The following SCN8A variants were observed in gnomAD, a reference collection of about 807,000 sequenced individuals.
The protein encoded by SCN8A is sodium voltage-gated channel alpha subunit 8, also known as sodium channel protein type 8 subunit alpha.
Under a neutral mutation model 184.1 loss-of-function variants are expected in SCN8A, and 30 were observed. That is an observed-to-expected ratio of 0.16 (90% confidence interval 0.12 to 0.22). The LOEUF is 0.22. Among genes scored for constraint, SCN8A ranks in the 10% least tolerant of loss-of-function variants. The probability of loss-of-function intolerance (pLI) is 1.00; values close to 1 mark genes in which losing one functional copy is unlikely to be tolerated. For synonymous variants in SCN8A, 852 were observed against 907.0 expected, an observed-to-expected ratio of 0.94 and a Z score of 1.09; for missense variants, 1,057 against 2,498.9, an observed-to-expected ratio of 0.42 and a Z score of 12.30.
chr12:51,649,744 C>A (rs1940669156), intron 1 of SCN8A, among the ~76,000 whole-genome samples: 1 of 152,198 alleles, frequency 6.6e-6, no homozygotes, highest in Non-Finnish European at 1.5e-5. Context: ...GGCCTCTGGG[C>A]CTGTGATGGG....
At chr12:51,601,488 G>A (rs1221854118) in intron 1 of SCN8A, among the ~76,000 whole-genome samples, 1 of 150,204 alleles carries the variant, frequency 6.7e-6, no homozygotes, top group Non-Finnish European at 1.5e-5. Flanking sequence ...ACCCATAAGT[G>A]CCCAAGGGGT....
chr12:51,610,420 T>A (rs1939697313), intron 1 of SCN8A, among the ~76,000 whole-genome samples: 1 of 152,206 alleles, frequency 6.6e-6, no homozygotes. Context: ...GTGCATTTGT[T>A]GCCTGTGTAC....
intron 20 of SCN8A, 30 bp from the exon 21 acceptor site, chr12:51,780,619 T>C (rs1243637805): frequency 1.8e-6 from 2 of 1,119,044 alleles, no homozygotes; most frequent in Non-Finnish European, 2.4e-6. Context: ...ACCTTTTTTG[T>C]TTTTGTTTTT....
rs933799376 is a variant in SCN8A at position 51,713,162 on chromosome 12, A to G, written c.1635+6447A>G. The G allele has an allele frequency of 2.5e-6, 3 of 1,219,072 alleles. No homozygotes were observed. The African/African-American group carries it at 4.4e-5, about 18-fold the overall frequency. 75.5% of individuals were successfully genotyped at this position (1,219,072 alleles called of 1,614,324 possible). ...ACTTCTATGGTTTCAATCTTGCCAT[A>G]CTTTTCAAAGTAGTCTCTCAAATTA... On this transcript the variant is annotated intron_variant, in intron 11 of 26. Transcript: ENST00000627620.
At chr12:51,699,817 G>T in intron 7 of SCN8A, 26 bp downstream of exon 7, 1 of 1,578,464 alleles carries the variant, frequency 6.3e-7, no homozygotes, top group Non-Finnish European at 8.7e-7. Flanking sequence ...TCTGCAAGAG[G>T]AATAGGAAAA....
At chr12:51,631,830 C>G (rs1940202109) in intron 1 of SCN8A, among the ~76,000 whole-genome samples, 1 of 152,174 alleles carries the variant, frequency 6.6e-6, no homozygotes, top group Admixed American at 6.5e-5. Flanking sequence ...TTGTGCACAG[C>G]TTGGTGGCAA....
chr12:51,623,457 G>C (rs1940007109), intron 1 of SCN8A, among the ~76,000 whole-genome samples: 1 of 152,096 alleles, frequency 6.6e-6, no homozygotes, highest in Non-Finnish European at 1.5e-5. Context: ...GTGGTAGATG[G>C]GGAGTTTACT....
intron 1 of SCN8A, among the ~76,000 whole-genome samples, chr12:51,631,528 A>G (rs1940196160): frequency 6.6e-6 from 1 of 152,206 alleles, no homozygotes; most frequent in Non-Finnish European, 1.5e-5. Context: ...TAAGACCACT[A>G]CCTGAAGCAG....
chr12:51,794,789 C>G (rs1345324106), intron 26 of SCN8A, 148 bp downstream of exon 26: 1 of 709,122 alleles, frequency 1.4e-6, no homozygotes, highest in African/African-American at 1.8e-5. Context: ...CCTGAGTCAT[C>G]TCGGGGGCCT....
intron 1 of SCN8A, among the ~76,000 whole-genome samples, chr12:51,607,654 C>G (rs947283588): frequency 6.6e-6 from 1 of 152,100 alleles, no homozygotes; most frequent in Non-Finnish European, 1.5e-5. Flanking sequence ...TGCATTTTGT[C>G]GAATGCTTTT....
intron 10 of SCN8A, 89 bp from the exon 11 acceptor site, chr12:51,706,333 T>C (rs1303923729): frequency 1.6e-6 from 2 of 1,254,748 alleles, no homozygotes; most frequent in Admixed American, 6.1e-5. Flanking sequence ...TTCCCTTCAG[T>C]AGGGAAATGT....
At chr12:51,722,288 C>T (rs1165374849) in intron 12 of SCN8A, 1 of 273,916 alleles carries the variant, frequency 3.7e-6, no homozygotes, top group African/African-American at 2.3e-5. Context: ...TCCCTCCTCC[C>T]ACCTGCTTTG....
At chr12:51,665,399 A>T (rs1941013125) in intron 2 of SCN8A, among the ~76,000 whole-genome samples, 2 of 152,236 alleles carry the variant, frequency 1.3e-5, no homozygotes, top group Admixed American at 1.3e-4. Flanking sequence ...CCTGGAAAGG[A>T]TAACTTTAAT....
rs1395620811 is a variant in SCN8A at position 51,712,723 on chromosome 12, C to A, written c.1635+6008C>A. 4 of 1,053,718 alleles carry A rather than the reference C, an allele frequency of 3.8e-6. No individual in the cohort carries two copies. In the Admixed American group the frequency reaches 5.1e-5, roughly 13 times the overall value. The allele number at this position is 1,053,718 out of a possible 1,614,324, so 65.3% of individuals were successfully genotyped here. ...CACCACACCACCTTGGTTTCCATAT[C>A]CTGGTCCACCACCACCATAGCCCCC... On this transcript the variant is annotated intron_variant, in intron 11 of 26. Coordinates refer to ENST00000627620, the MANE Select transcript of SCN8A (RefSeq NM_001330260.2).
At chr12:51,795,619 G>T (rs1299646883) in intron 26 of SCN8A, among the ~76,000 whole-genome samples, 3 of 152,222 alleles carry the variant, frequency 2.0e-5, no homozygotes, top group Admixed American at 1.3e-4. Flanking sequence ...GTGTTGATAT[G>T]TGGAACACTA....
At chr12:51,601,824 A>G (rs1939470976) in intron 1 of SCN8A, among the ~76,000 whole-genome samples, 2 of 131,800 alleles carry the variant, frequency 1.5e-5, no homozygotes, top group Non-Finnish European at 3.2e-5. Context: ...CTGGAGCCCT[A>G]CCTTTGCCAA....
intron 11 of SCN8A, among the ~76,000 whole-genome samples, chr12:51,718,447 G>A (rs907869291): frequency 8.6e-5 from 13 of 151,234 alleles, no homozygotes; most frequent in African/African-American, 3.2e-4. Flanking sequence ...ACATATTTCT[G>A]TTATGAGTGA....
chr12:51,617,588 T>C (rs901913700), intron 1 of SCN8A, among the ~76,000 whole-genome samples: 1 of 152,248 alleles, frequency 6.6e-6, no homozygotes, highest in African/African-American at 2.4e-5. Context: ...ACATCTTGCA[T>C]TGATATCTGT....
At chr12:51,600,476 A>G (rs532200621) in intron 1 of SCN8A, among the ~76,000 whole-genome samples, 1 of 152,352 alleles carries the variant, frequency 6.6e-6, no homozygotes, top group Admixed American at 6.5e-5. Context: ...AGAGGGAAAG[A>G]AAAGGCCTTA....
Sources: gnomAD v4.1 joint callset for allele counts (sites outside exome capture counted in the v4.1 genomes callset) on GRCh38, gnomAD v4.1.1 for gene constraint, MANE v1.5 for transcripts, NCBI Gene and HGNC (gene_info 2026-07-23, HGNC 2026-07-21) for gene names.